Variants in KLHL32 observed in about 807,000 individuals in gnomAD.
KLHL32 encodes kelch like family member 32.
In KLHL32, 35 loss-of-function variants were observed where a neutral mutation model predicts 64.8. The ratio of observed to expected loss-of-function variants is 0.54; its 90% CI spans 0.41 to 0.72. The LOEUF (loss-of-function observed/expected upper bound fraction) is 0.72, where lower values mean the gene tolerates loss of function less well. KLHL32 is among the 30% of genes least tolerant of loss of function. KLHL32 has a pLI of 0.00. For missense variants in KLHL32, 589 were observed against 768.5 expected (o/e 0.77, Z 2.76); for synonymous variants, 259 against 281.0 (o/e 0.92, Z 0.78).
chr6:97,108,535 G>T (rs1796707410), intron 6 of KLHL32, among the ~76,000 whole-genome samples: 1 of 152,168 alleles, frequency 6.6e-6, no homozygotes, highest in East Asian at 1.9e-4. Flanking sequence ...GAGGTTCACA[G>T]CACAGAGGTG....
At chr6:97,097,750 C>G (rs1003878251) in intron 6 of KLHL32, among the ~76,000 whole-genome samples, 1 of 151,954 alleles carries the variant, frequency 6.6e-6, no homozygotes, top group African/African-American at 2.4e-5. Context: ...CACTGCCTTC[C>G]AATAGAGCAA....
At chr6:96,990,479 C>T (rs912681139) in intron 3 of KLHL32, among the ~76,000 whole-genome samples, 1 of 152,198 alleles carries the variant, frequency 6.6e-6, no homozygotes, top group Non-Finnish European at 1.5e-5. Context: ...GCTGTGCTCC[C>T]TCTTAGTGCT....
chr6:97,009,512 T>C (rs1780102032), intron 3 of KLHL32, among the ~76,000 whole-genome samples: 1 of 152,152 alleles, frequency 6.6e-6, no homozygotes, highest in Admixed American at 6.5e-5. Context: ...TAAATGTACT[T>C]TGAAATGTTT....
chr6:96,917,654 C>G, the KLHL32 span, among the ~76,000 whole-genome samples: 2 of 152,154 alleles, frequency 1.3e-5, no homozygotes, highest in African/African-American at 4.8e-5. Context: ...CTCTGGTATT[C>G]AGGCATGTTT....
the KLHL32 span, among the ~76,000 whole-genome samples, chr6:96,912,091 C>G: frequency 1.3e-5 from 2 of 152,086 alleles, no homozygotes; most frequent in Non-Finnish European, 2.9e-5. Context: ...CTGAACTCAT[C>G]ATCTTCCCCC....
intron 1 of KLHL32, among the ~76,000 whole-genome samples, chr6:96,930,978 G>A (rs1032641068): frequency 1.3e-5 from 2 of 152,100 alleles, no homozygotes; most frequent in Admixed American, 1.3e-4. Flanking sequence ...TCAAGTACCT[G>A]GCGGGTACAG....
rs541806721 is a variant in KLHL32 at position 97,109,864 on chromosome 6, A to G, written c.628-3919A>G. On this transcript the variant is annotated intron_variant, in intron 6 of 10. Transcript: ENST00000369261. ...AAGAAATTGGTTGCAGAGCAAAGCA[A>G]TATCAGCTAGAATTACTTGACTAAA... is the stretch of plus-strand genomic sequence containing the variant. Among the ~76,000 whole-genome samples the G allele has an allele frequency of 1.0e-4, 16 of 152,388 alleles. No homozygotes were observed. In the South Asian group the frequency reaches 3.3e-3, roughly 32 times the overall value.
intron 1 of KLHL32, among the ~76,000 whole-genome samples, chr6:96,937,540 C>T (rs764559288): frequency 2.0e-5 from 3 of 152,202 alleles, no homozygotes; most frequent in African/African-American, 7.2e-5. Flanking sequence ...GGGTGTGCCT[C>T]CACTGCCCTG....
chr6:97,070,521 G>T (rs531345547), intron 5 of KLHL32, among the ~76,000 whole-genome samples: 1 of 152,194 alleles, frequency 6.6e-6, no homozygotes, highest in East Asian at 1.9e-4. Context: ...GTCAGGAAGC[G>T]ACAGCCCAGA....
intron 1 of KLHL32, among the ~76,000 whole-genome samples, chr6:96,948,899 G>T (rs550638245): frequency 5.3e-5 from 8 of 152,128 alleles, no homozygotes; most frequent in Non-Finnish European, 1.2e-4. Context: ...AAAAAGTCAT[G>T]TAGCAATTCA....
At chr6:96,962,472 C>G (rs1035806155) in intron 1 of KLHL32, among the ~76,000 whole-genome samples, 9 of 152,132 alleles carry the variant, frequency 5.9e-5, no homozygotes, top group Non-Finnish European at 8.8e-5. Context: ...GGGTCTGAGT[C>G]TTCACCAGCT....
chr6:96,984,572 C>G (rs1490286733), intron 3 of KLHL32, among the ~76,000 whole-genome samples: 1 of 152,160 alleles, frequency 6.6e-6, no homozygotes, highest in African/African-American at 2.4e-5. Context: ...GTATTGGGTG[C>G]ATATATATTT....
At chr6:96,905,624 GGTT>G in the KLHL32 span, among the ~76,000 whole-genome samples, 1 of 152,108 alleles carries the variant, frequency 6.6e-6, no homozygotes, top group Non-Finnish European at 1.5e-5. Context: ...TATTTCATAG[GGTT>G]GTTGTGAGAT....
At chr6:96,984,289 T>A (rs568909402) in intron 3 of KLHL32, among the ~76,000 whole-genome samples, 1 of 152,354 alleles carries the variant, frequency 6.6e-6, no homozygotes, top group South Asian at 2.1e-4. Context: ...TGAGGAGTGC[T>A]TTACTTCCAA....
At chr6:97,056,251 G>A (rs555570783) in intron 4 of KLHL32, among the ~76,000 whole-genome samples, 11 of 151,476 alleles carry the variant, frequency 7.3e-5, no homozygotes, top group African/African-American at 1.5e-4. Flanking sequence ...GACTACAGGC[G>A]CCCGCCACCA....
At chr6:97,126,709 A>G (rs1161062504) in intron 7 of KLHL32, among the ~76,000 whole-genome samples, 2 of 152,194 alleles carry the variant, frequency 1.3e-5, no homozygotes, top group African/African-American at 4.8e-5. Flanking sequence ...CTGGCTTTTG[A>G]AGACTTAGTA....
upstream of KLHL32, among the ~76,000 whole-genome samples, chr6:96,924,462 C>T (rs1230707294): frequency 8.8e-6 from 1 of 113,934 alleles, no homozygotes; most frequent in Admixed American, 1.1e-4. Flanking sequence ...GGCAGCTCGC[C>T]GACGGCGGGG....
chr6:96,922,774 G>A (rs1301353160), upstream of KLHL32, among the ~76,000 whole-genome samples: 1 of 152,192 alleles, frequency 6.6e-6, no homozygotes, highest in African/African-American at 2.4e-5. Flanking sequence ...TGCTCCTCTA[G>A]GAGTGGAGTA....
chr6:96,983,404 T>C lies in KLHL32; in HGVS notation c.204+7227T>C, dbSNP rs552673369. ...ATGATGCTGGCCTCATAAAACGAGTTAGGGAGGATTCCCTCTTTTTCTATT... is the reference window on the plus strand; with the variant it reads ...ATGATGCTGGCCTCATAAAACGAGTCAGGGAGGATTCCCTCTTTTTCTATT... On this transcript the variant is annotated intron_variant, in intron 3 of 10. Transcript: ENST00000369261. 2.6e-5 allele frequency among the ~76,000 whole-genome samples: 4 copies of C among 152,412 alleles called. No homozygotes were observed. The South Asian group carries it at 8.3e-4, about 32-fold the overall frequency.
Sources: allele counts gnomAD v4.1 joint callset (sites outside exome capture counted in the v4.1 genomes callset), GRCh38; gene constraint gnomAD v4.1.1; transcripts MANE v1.5; gene names NCBI Gene and HGNC (gene_info 2026-07-23, HGNC 2026-07-21).